Variants in ZCCHC24 observed in about 807,000 individuals in gnomAD.
The protein encoded by ZCCHC24 is zinc finger CCHC domain-containing protein 24.
ZCCHC24 carries 10 observed loss-of-function variants against 26.2 expected under a neutral mutation model. The observed-to-expected ratio is 0.38, with a 90% confidence interval of 0.24 to 0.65. The LOEUF is 0.65. Ranked by LOEUF, ZCCHC24 falls within the 30% of genes least tolerant of loss-of-function variation. The pLI, the probability that ZCCHC24 is intolerant of heterozygous loss-of-function variation, is 0.54. For missense variants in ZCCHC24, 243 were observed against 329.1 expected (o/e 0.74, Z 2.03); for synonymous variants, 144 against 147.1 (o/e 0.98, Z 0.15).
chr10:79,423,593 A>T (rs200312617), intron 2 of ZCCHC24, among the ~76,000 whole-genome samples: 10 of 31,420 alleles, frequency 3.2e-4, no homozygotes, highest in Admixed American at 6.0e-4. Context: ...ATATATATAT[A>T]TATATATATA....
rs1430206040 is a variant in ZCCHC24, at chr10:79,384,862, G to A, written c.*1483C>T. ...AGGCATAATGTAGGGGCAAAATCAA[G>A]AGACCCAGTTCTGACAGCCGGGAGA... On this transcript the variant is annotated 3_prime_UTR_variant, in exon 4 of 4. Coordinates refer to ENST00000372336, the MANE Select transcript of ZCCHC24 (RefSeq NM_153367.4). 5.3e-5 allele frequency: 8 copies of A among 151,662 alleles called. No homozygotes were observed. The highest frequency in any genetic ancestry group is 4.6e-4 in the Admixed American group (7 of 15,162). 9.4% of individuals were successfully genotyped at this position (151,662 alleles called of 1,614,324 possible).
Position 79,432,697 on chromosome 10 carries a change from T to C in ZCCHC24, c.308A>G (p.Asp103Gly). Residue 103 changes from aspartate (D) to glycine (G), a missense_variant, in exon 2 of 4, where the codon GAT becomes GGT. Transcript: ENST00000372336. The part of the protein sequence containing the change: ...SPYGSLNNIA[D>G]GLSSLTEHFS... The stretch of plus-strand genomic sequence containing the variant: ...GTGCTCGGTGAGGGAGCTGAGGCCA[T>C]CGGCGATGTTGTTGAGGGAGCCATA... The C allele has an allele frequency of 6.2e-7, 1 of 1,608,820 alleles. No homozygotes were observed. The highest frequency in any genetic ancestry group is 8.5e-7 in the Non-Finnish European group (1 of 1,178,162).
intron 2 of ZCCHC24, among the ~76,000 whole-genome samples, chr10:79,417,490 C>A (rs1229666438): frequency 2.0e-5 from 3 of 152,192 alleles, no homozygotes; most frequent in African/African-American, 2.4e-5. Context: ...AGAGGATGGA[C>A]CCCCATCCGT....
At chr10:79,418,033 A>T (rs1856889144) in intron 2 of ZCCHC24, among the ~76,000 whole-genome samples, 1 of 152,192 alleles carries the variant, frequency 6.6e-6, no homozygotes, top group Non-Finnish European at 1.5e-5. Context: ...GCCACCCCAG[A>T]CATGGTGGAA....
intron 2 of ZCCHC24, among the ~76,000 whole-genome samples, chr10:79,413,549 C>T (rs1037244895): frequency 8.5e-5 from 13 of 152,206 alleles, no homozygotes; most frequent in African/African-American, 3.1e-4. Flanking sequence ...GGGCTGGTCC[C>T]TGTCCCCTTG....
At chr10:79,441,117 C>CACACACA (rs1589682075) in intron 1 of ZCCHC24, among the ~76,000 whole-genome samples, 4 of 148,026 alleles carry the variant, frequency 2.7e-5, no homozygotes, top group East Asian at 2.0e-4. Context: ...CACACACACA[C>CACACACA]CACAAAGGCT....
At chr10:79,413,757 C>T (rs572989936) in intron 2 of ZCCHC24, among the ~76,000 whole-genome samples, 10 of 109,458 alleles carry the variant, frequency 9.1e-5, no homozygotes, top group African/African-American at 2.8e-4. Context: ...TATGTGCGTG[C>T]GCATGTGTGT....
At chr10:79,393,307 C>T (rs1377721759) in intron 3 of ZCCHC24, among the ~76,000 whole-genome samples, 1 of 152,180 alleles carries the variant, frequency 6.6e-6, no homozygotes, top group Non-Finnish European at 1.5e-5. Context: ...TATCAGAGGA[C>T]CCCTGGTTTC....
At position 79,385,807 on chromosome 10, in the gene ZCCHC24, A is replaced by G. The variant is rs1856382886; in HGVS notation, c.*538T>C. ...ATTTGGGGCTTAAGGTGGGCAAGGGACAGAGAGGTCCACTCCCCAGCCGCT... is the reference window on the plus strand; with the variant it reads ...ATTTGGGGCTTAAGGTGGGCAAGGGGCAGAGAGGTCCACTCCCCAGCCGCT... On this transcript the variant is annotated 3_prime_UTR_variant, in exon 4 of 4. Coordinates refer to ENST00000372336, the MANE Select transcript of ZCCHC24 (RefSeq NM_153367.4). This position sits in a 1 kb window ranked among gnomAD's most constrained non-coding sequence, Gnocchi z 4.3. 5.0e-6 allele frequency: 1 copy of G among 198,800 alleles called. No individual in the cohort carries two copies. Among genetic ancestry groups the G allele is most frequent in the Non-Finnish European group, 1.0e-5 (1 of 98,244 alleles). The allele number at this position is 198,800 out of a possible 1,614,324, so 12.3% of individuals were successfully genotyped here.
chr10:79,411,093 C>G (rs1856784792), intron 2 of ZCCHC24, among the ~76,000 whole-genome samples: 1 of 152,110 alleles, frequency 6.6e-6, no homozygotes, highest in Admixed American at 6.5e-5. Context: ...CGTCACTGGA[C>G]AGCAGGCAAC....
intron 2 of ZCCHC24, among the ~76,000 whole-genome samples, chr10:79,430,771 T>C (rs1385034543): frequency 1.3e-5 from 2 of 151,900 alleles, no homozygotes; most frequent in African/African-American, 2.4e-5. Flanking sequence ...TTGGTCACCC[T>C]GGGGGAGGCC....
chr10:79,434,609 G>GC (rs1359925937), intron 1 of ZCCHC24, among the ~76,000 whole-genome samples: 3 of 152,138 alleles, frequency 2.0e-5, no homozygotes, highest in African/African-American at 7.2e-5. Flanking sequence ...ACATGAGTGT[G>GC]CCCCAACCTG....
At chr10:79,432,018 C>T (rs1025270852) in intron 2 of ZCCHC24, among the ~76,000 whole-genome samples, 7 of 152,164 alleles carry the variant, frequency 4.6e-5, no homozygotes, top group Non-Finnish European at 8.8e-5. Context: ...AGAGATGCTC[C>T]GCCCTGCAGT....
intron 2 of ZCCHC24, chr10:79,409,002 A>G (rs1856756368): frequency 6.6e-6 from 1 of 152,246 alleles, no homozygotes; most frequent in Non-Finnish European, 1.5e-5. Context: ...AGGATTCTGC[A>G]GCTATATCCA....
chr10:79,408,327 A>G (rs1179699640), intron 2 of ZCCHC24, among the ~76,000 whole-genome samples: 1 of 152,118 alleles, frequency 6.6e-6, no homozygotes, highest in Non-Finnish European at 1.5e-5. Context: ...GGGACTACCC[A>G]GGTTAGGCCA....
chr10:79,403,065 G>A (rs1856658995), intron 2 of ZCCHC24, among the ~76,000 whole-genome samples: 1 of 152,174 alleles, frequency 6.6e-6, no homozygotes, highest in Admixed American at 6.5e-5. Flanking sequence ...AGTCAGCCCT[G>A]TGACCCTTTC....
intron 2 of ZCCHC24, 89 bp downstream of exon 2, chr10:79,432,469 G>T: frequency 7.3e-7 from 1 of 1,372,672 alleles, no homozygotes. Flanking sequence ...GGGCCCTGGG[G>T]ACACTGCTTC....
At chr10:79,441,110 A>C (rs1026788371) in intron 1 of ZCCHC24, among the ~76,000 whole-genome samples, 3 of 151,524 alleles carry the variant, frequency 2.0e-5, no homozygotes, top group South Asian at 2.1e-4. Flanking sequence ...ACACACACAC[A>C]CACACACCAC....
chr10:79,414,476 C>T (rs558728915), intron 2 of ZCCHC24, among the ~76,000 whole-genome samples: 1 of 152,292 alleles, frequency 6.6e-6, no homozygotes, highest in African/African-American at 2.4e-5. Context: ...TTGTGGGAAG[C>T]TTCACTTCTC....
Sources: allele counts gnomAD v4.1 joint callset (sites outside exome capture counted in the v4.1 genomes callset), GRCh38; gene constraint gnomAD v4.1.1; non-coding constraint Gnocchi (gnomAD v3.1); transcripts MANE v1.5; gene names NCBI Gene and HGNC (gene_info 2026-07-23, HGNC 2026-07-21).